FBXW8: variants seen among roughly 807,000 people sequenced by gnomAD.
FBXW8 encodes F-box/WD repeat-containing protein 8.
Under a neutral mutation model 65.3 loss-of-function variants are expected in FBXW8, and 57 were observed. That is an observed-to-expected ratio of 0.87 (90% CI 0.71 to 1.09). The LOEUF (loss-of-function observed/expected upper bound fraction) is 1.09, where lower values mean the gene tolerates loss of function less well. Among genes scored for constraint, FBXW8 ranks in the 50% least tolerant of loss-of-function variants. The pLI is 0.00. For synonymous variants in FBXW8, 308 were observed against 330.2 expected, an observed-to-expected ratio of 0.93 and a Z score of 0.73; for missense variants, 777 against 814.8, an observed-to-expected ratio of 0.95 and a Z score of 0.57.
intron 6 of FBXW8, among the ~76,000 whole-genome samples, 192 bp from the exon 7 acceptor site, chr12:116,988,469 CTT>C (rs896421313): frequency 7.9e-5 from 12 of 152,054 alleles, no homozygotes; most frequent in African/African-American, 2.9e-4. Flanking sequence ...TTAGGTGTGT[CTT>C]ATGTTTCTCT....
chr12:116,912,620 C>A (rs1360202938), intron 1 of FBXW8, among the ~76,000 whole-genome samples: 12 of 151,992 alleles, frequency 7.9e-5, no homozygotes, highest in Admixed American at 7.9e-4. Context: ...ACCACCACGC[C>A]CGGCTAATTT....
intron 8 of FBXW8, among the ~76,000 whole-genome samples, chr12:117,011,977 G>A (rs571218825): frequency 6.6e-6 from 1 of 152,182 alleles, no homozygotes; most frequent in Non-Finnish European, 1.5e-5. Flanking sequence ...GCTCTTATAA[G>A]TAATCTAGAG....
At chr12:116,916,769 G>T (rs1880445390) in intron 1 of FBXW8, among the ~76,000 whole-genome samples, 1 of 152,078 alleles carries the variant, frequency 6.6e-6, no homozygotes, top group African/African-American at 2.4e-5. Context: ...AAACAACCAC[G>T]ATTTAGCTCA....
intron 8 of FBXW8, among the ~76,000 whole-genome samples, chr12:117,016,336 C>T (rs147447055): frequency 6.6e-6 from 1 of 152,302 alleles, no homozygotes; most frequent in East Asian, 1.9e-4. Context: ...GCTACAGTCT[C>T]GAATTCTAGA....
Position 116,910,964 on chromosome 12 carries a change from C to G in FBXW8, c.-74C>G. The G allele has an allele frequency of 7.9e-7, 1 of 1,272,746 alleles. No homozygotes were observed. Among genetic ancestry groups the G allele is most frequent in the Non-Finnish European group, 1.0e-6 (1 of 1,004,898 alleles). The allele number at this position is 1,272,746 out of a possible 1,614,324, so 78.8% of individuals were successfully genotyped here. ...GGCAGCGGCTTCCGGCCGCGGCGGACACTTCCCTGGGCGGGACTGTCTCGT... is the reference window on the plus strand; with the variant it reads ...GGCAGCGGCTTCCGGCCGCGGCGGAGACTTCCCTGGGCGGGACTGTCTCGT... On this transcript the variant is annotated 5_prime_UTR_variant, in exon 1 of 11. Coordinates refer to ENST00000652555, the MANE Select transcript of FBXW8 (RefSeq NM_153348.3).
At chr12:116,913,215 C>G (rs1880137315) in intron 1 of FBXW8, among the ~76,000 whole-genome samples, 1 of 152,214 alleles carries the variant, frequency 6.6e-6, no homozygotes, top group South Asian at 2.1e-4. Context: ...GTATAGCCTC[C>G]TTTGGTTTAA....
intron 1 of FBXW8, among the ~76,000 whole-genome samples, chr12:116,919,863 A>G (rs902740518): frequency 6.6e-6 from 1 of 152,256 alleles, no homozygotes; most frequent in African/African-American, 2.4e-5. Flanking sequence ...CACCATGTCA[A>G]TATTTAACCT....
intron 2 of FBXW8, among the ~76,000 whole-genome samples, chr12:116,944,392 A>G (rs904815639): frequency 6.6e-6 from 1 of 152,052 alleles, no homozygotes; most frequent in Admixed American, 6.5e-5. Flanking sequence ...CTGGTCTCCT[A>G]CTTTCTCTCA....
rs147342155 is a variant in FBXW8, at chr12:116,998,074, C to G, written c.1239+9205C>G. Among the ~76,000 whole-genome samples, 362 of 152,294 alleles carry G rather than the reference C, an allele frequency of 2.4e-3. 8 individuals are homozygous for G. In the East Asian group the frequency reaches 0.061, roughly 26 times the overall value. On this transcript the variant is annotated intron_variant, in intron 7 of 10. Transcript: ENST00000652555. ...CTTCAGGTGATCCGCCTTCCTTAGCCTCCCAAAGTGCTGGGATTACAGGTG... is the reference window on the plus strand; with the variant it reads ...CTTCAGGTGATCCGCCTTCCTTAGCGTCCCAAAGTGCTGGGATTACAGGTG...
chr12:116,997,908 C>G (rs552869700), intron 7 of FBXW8, among the ~76,000 whole-genome samples: 1 of 152,160 alleles, frequency 6.6e-6, no homozygotes, highest in African/African-American at 2.4e-5. Flanking sequence ...CTCTGCCTCT[C>G]GGGTTCAAGC....
chr12:117,017,933 T>G (rs2135717935), intron 8 of FBXW8, among the ~76,000 whole-genome samples: 1 of 152,282 alleles, frequency 6.6e-6, no homozygotes, highest in South Asian at 2.1e-4. Context: ...AATATAAAGT[T>G]GTGTGCTGTG....
intron 1 of FBXW8, among the ~76,000 whole-genome samples, chr12:116,923,335 A>G (rs565094766): frequency 5.9e-5 from 9 of 152,098 alleles, no homozygotes; most frequent in Non-Finnish European, 8.8e-5. Flanking sequence ...AAAGTCCCCA[A>G]TAGTGGTAGA....
chr12:117,000,930 C>T (rs1479064044), intron 7 of FBXW8, among the ~76,000 whole-genome samples: 2 of 152,228 alleles, frequency 1.3e-5, no homozygotes, highest in African/African-American at 2.4e-5. Flanking sequence ...TGCGCTCCAC[C>T]TAGTGCCACC....
At chr12:116,945,895 G>A (rs939939069) in intron 3 of FBXW8, among the ~76,000 whole-genome samples, 2 of 152,218 alleles carry the variant, frequency 1.3e-5, no homozygotes, top group East Asian at 3.8e-4. Flanking sequence ...ATACAAAAGA[G>A]GAGCTGAAAA....
chr12:116,932,973 G>A (rs1279618055), intron 2 of FBXW8, among the ~76,000 whole-genome samples: 1 of 152,118 alleles, frequency 6.6e-6, no homozygotes, highest in African/African-American at 2.4e-5. Flanking sequence ...GATGCGGAGT[G>A]TGTGTCTTTA....
chr12:117,023,692 T>G (rs1239587300), intron 8 of FBXW8, among the ~76,000 whole-genome samples: 1 of 152,202 alleles, frequency 6.6e-6, no homozygotes, highest in Non-Finnish European at 1.5e-5. Flanking sequence ...CAAAGTCAAG[T>G]GAAATACCCA....
At chr12:117,025,041 C>T (rs1450275340) in intron 9 of FBXW8, among the ~76,000 whole-genome samples, 1 of 152,070 alleles carries the variant, frequency 6.6e-6, no homozygotes, top group East Asian at 1.9e-4. Flanking sequence ...AAGCAGCAGC[C>T]CAGCCCAGGG....
At chr12:117,004,117 C>T (rs540963249) in intron 7 of FBXW8, among the ~76,000 whole-genome samples, 183 of 152,282 alleles carry the variant, frequency 1.2e-3, no homozygotes, top group African/African-American at 4.2e-3. Flanking sequence ...TGTTGCATTC[C>T]GCCCAATTCC....
intron 2 of FBXW8, among the ~76,000 whole-genome samples, chr12:116,939,062 A>T (rs1332934774): frequency 1.3e-5 from 2 of 152,188 alleles, no homozygotes; most frequent in African/African-American, 4.8e-5. Flanking sequence ...CGGTAACCCA[A>T]ATCAGTGTTC....
Sources: gnomAD v4.1 joint callset for allele counts (sites outside exome capture counted in the v4.1 genomes callset) on GRCh38, gnomAD v4.1.1 for gene constraint, MANE v1.5 for transcripts, NCBI Gene and HGNC (gene_info 2026-07-23, HGNC 2026-07-21) for gene names.